Variants in CNTNAP2 observed in about 807,000 individuals in gnomAD.
The protein encoded by CNTNAP2 is contactin associated protein 2, also known as contactin-associated protein-like 2.
A neutral mutation model predicts 155.2 loss-of-function variants in CNTNAP2; 98 were observed. That is an observed-to-expected ratio of 0.63 (90% CI 0.54 to 0.75). CNTNAP2 has a LOEUF of 0.75. CNTNAP2 is among the 30% of genes least tolerant of loss of function. CNTNAP2 has a pLI of 0.00. For missense variants in CNTNAP2, 1,727 were observed against 1,688.1 expected, an observed-to-expected ratio of 1.02 and a Z score of -0.40; for synonymous variants, 651 against 631.2, an observed-to-expected ratio of 1.03 and a Z score of -0.47.
intron 15 of CNTNAP2, among the ~76,000 whole-genome samples, chr7:147,980,597 C>G (rs1056211519): frequency 6.6e-6 from 1 of 152,026 alleles, no homozygotes; most frequent in Non-Finnish European, 1.5e-5. Flanking sequence ...TGCCTGGTAG[C>G]AGTCAGCAGT....
intron 13 of CNTNAP2, chr7:147,832,027 T>C (rs1798554478): frequency 6.6e-6 from 1 of 151,738 alleles, no homozygotes; most frequent in Non-Finnish European, 1.5e-5. Flanking sequence ...TAAGTTAACA[T>C]TTTTTAAGGA....
chr7:146,284,059 C>A (rs1800291301), intron 1 of CNTNAP2, among the ~76,000 whole-genome samples: 1 of 152,048 alleles, frequency 6.6e-6, no homozygotes, highest in Non-Finnish European at 1.5e-5. Context: ...AAAAAAATTA[C>A]CTAGAAAGCA....
At chr7:148,124,633 G>A (rs1804674948) in intron 16 of CNTNAP2, among the ~76,000 whole-genome samples, 1 of 152,188 alleles carries the variant, frequency 6.6e-6, no homozygotes, top group African/African-American at 2.4e-5. Flanking sequence ...ATTTCATTGA[G>A]AGCTTTGCAA....
intron 15 of CNTNAP2, among the ~76,000 whole-genome samples, chr7:147,980,257 G>A (rs529043066): frequency 8.1e-6 from 1 of 123,646 alleles, no homozygotes; most frequent in South Asian, 2.5e-4. Context: ...ATTTCAGGCA[G>A]ACTTTCTTTT....
intron 15 of CNTNAP2, among the ~76,000 whole-genome samples, chr7:148,114,586 A>G (rs1391056472): frequency 6.6e-6 from 1 of 152,196 alleles, no homozygotes; most frequent in Non-Finnish European, 1.5e-5. Context: ...AGGCACGCAT[A>G]TAATCTTGTT....
chr7:146,484,869 G>C (rs1377875830), intron 1 of CNTNAP2, among the ~76,000 whole-genome samples: 1 of 151,964 alleles, frequency 6.6e-6, no homozygotes, highest in Non-Finnish European at 1.5e-5. Context: ...TTATTTTTAA[G>C]GTATAGTTTT....
At chr7:147,132,547 A>G (rs764457770) in intron 8 of CNTNAP2, 38 bp downstream of exon 8, 3 of 1,612,412 alleles carry the variant, frequency 1.9e-6, no homozygotes, top group Non-Finnish European at 2.5e-6. Flanking sequence ...CCTGAAACTT[A>G]TTGCAATTTC....
Position 148,375,319 on chromosome 7 carries a change from A to G in CNTNAP2, c.3476-8330A>G, listed in dbSNP as rs146757296. 7.0e-3 allele frequency among the ~76,000 whole-genome samples: 1,035 copies of G among 147,838 alleles called. 4 individuals are homozygous for G. Among genetic ancestry groups the G allele is most frequent in the Middle Eastern group, 0.022 (6 of 278 alleles). On this transcript the variant is annotated intron_variant, in intron 21 of 23. Transcript: ENST00000361727. ...ATAAATATATAAACTATAAATATAA[A>G]ATATAAATATATATATTTTTATATA...
chr7:146,316,564 A>T (rs1800908922), intron 1 of CNTNAP2, among the ~76,000 whole-genome samples: 1 of 152,088 alleles, frequency 6.6e-6, no homozygotes, highest in Non-Finnish European at 1.5e-5. Context: ...AAAAAAAATT[A>T]TGTCATAAGT....
At chr7:147,041,815 ATTGT>A (rs1349978021) in intron 3 of CNTNAP2, among the ~76,000 whole-genome samples, 4 of 152,324 alleles carry the variant, frequency 2.6e-5, no homozygotes, top group South Asian at 2.1e-4. Flanking sequence ...TCAAGTTGAA[ATTGT>A]TTGGTGGCTT....
At chr7:147,812,847 A>C (rs1381752844) in intron 13 of CNTNAP2, among the ~76,000 whole-genome samples, 1 of 152,192 alleles carries the variant, frequency 6.6e-6, no homozygotes, top group Non-Finnish European at 1.5e-5. Context: ...AAATGAGCAC[A>C]TGATGGATCA....
chr7:148,135,691 A>T (rs1804922913), intron 16 of CNTNAP2, among the ~76,000 whole-genome samples: 1 of 151,322 alleles, frequency 6.6e-6, no homozygotes, highest in African/African-American at 2.4e-5. Flanking sequence ...TCCACTAAAA[A>T]TTGAAAAAAT....
intron 9 of CNTNAP2, among the ~76,000 whole-genome samples, chr7:147,362,783 G>A (rs988825684): frequency 1.3e-5 from 2 of 152,048 alleles, no homozygotes; most frequent in African/African-American, 2.4e-5. Flanking sequence ...TTGGAAACAT[G>A]GCATTGGAGA....
chr7:147,662,984 C>CTGGT (rs1161471696), intron 13 of CNTNAP2, among the ~76,000 whole-genome samples: 2 of 150,210 alleles, frequency 1.3e-5, no homozygotes, highest in Admixed American at 6.6e-5. Context: ...CTGGATGTTT[C>CTGGT]TGGTTTGTTT....
intron 1 of CNTNAP2, among the ~76,000 whole-genome samples, chr7:146,185,840 TG>T (rs1213677334): frequency 7.3e-5 from 11 of 151,160 alleles, no homozygotes; most frequent in African/African-American, 2.4e-4. Flanking sequence ...AAACCATGCA[TG>T]GGTATTTGGT....
chr7:146,713,934 TGTATATAAAAAGTAAGGTG>T (rs1375303321), intron 1 of CNTNAP2, among the ~76,000 whole-genome samples: 1 of 152,132 alleles, frequency 6.6e-6, no homozygotes, highest in Non-Finnish European at 1.5e-5. Flanking sequence ...AACTAGCATA[TGTATATAAAAAGTAAGGTG>T]GTTACCTGGG....
chr7:147,066,396 A>G (rs527236246), intron 4 of CNTNAP2, among the ~76,000 whole-genome samples: 266 of 152,350 alleles, frequency 1.7e-3, no homozygotes, highest in African/African-American at 6.2e-3. Context: ...CTCCACGCTC[A>G]TGGTTGGCTG....
chr7:148,178,222 T>G (rs1204610290), intron 18 of CNTNAP2, among the ~76,000 whole-genome samples: 1 of 152,244 alleles, frequency 6.6e-6, no homozygotes, highest in Non-Finnish European at 1.5e-5. Flanking sequence ...TGCACTTTTT[T>G]TAACTATAAA....
intron 6 of CNTNAP2, chr7:147,121,728 TAG>T (rs1801115582): frequency 6.6e-6 from 1 of 152,450 alleles, no homozygotes; most frequent in Admixed American, 6.5e-5. Flanking sequence ...TCTCAATAAT[TAG>T]AGATTAAAAA....
Sources: gnomAD v4.1 joint callset for allele counts (sites outside exome capture counted in the v4.1 genomes callset) on GRCh38, gnomAD v4.1.1 for gene constraint, MANE v1.5 for transcripts, NCBI Gene and HGNC (gene_info 2026-07-23, HGNC 2026-07-21) for gene names.